Variants in VGLL4 observed in about 807,000 individuals in gnomAD.
VGLL4 encodes the protein transcription cofactor vestigial-like protein 4.
A neutral mutation model predicts 21.0 loss-of-function variants in VGLL4; 7 were observed. The ratio of observed to expected loss-of-function variants is 0.33; its 90% CI spans 0.19 to 0.63. VGLL4 has a LOEUF of 0.63. Ranked by LOEUF, VGLL4 falls within the 20% of genes least tolerant of loss-of-function variation. The probability of loss-of-function intolerance (pLI) is 0.78; values close to 1 mark genes in which losing one functional copy is unlikely to be tolerated. For missense variants in VGLL4, 394 were observed against 425.7 expected, an observed-to-expected ratio of 0.93 and a Z score of 0.66; for synonymous variants, 222 against 173.2, an observed-to-expected ratio of 1.28 and a Z score of -2.21.
At chr3:11,667,947 G>A (rs746224435) in intron 2 of VGLL4, among the ~76,000 whole-genome samples, 4 of 145,126 alleles carry the variant, frequency 2.8e-5, no homozygotes, top group Non-Finnish European at 4.5e-5. Flanking sequence ...TCCGCCTCCC[G>A]GGTTCAAGCA....
intron 2 of VGLL4, among the ~76,000 whole-genome samples, chr3:11,662,149 A>G (rs1483236977): frequency 6.6e-6 from 1 of 152,210 alleles, no homozygotes; most frequent in Admixed American, 6.5e-5. Context: ...GGTGGAAGTC[A>G]GCCCAAAGAC....
At chr3:11,707,544 T>TA (rs536008674) in intron 1 of VGLL4, among the ~76,000 whole-genome samples, 3,439 of 140,422 alleles carry the variant, frequency 0.024, 89 homozygotes, top group African/African-American at 0.064. Flanking sequence ...TAACAGTTAT[T>TA]AAAAAAAAAA....
rs1357949293 is a variant in VGLL4, at chr3:11,690,551, TAG to T, written c.64+12418_64+12419del. The stretch of plus-strand genomic sequence containing the variant: ...GCTTGCTAGTGAACAGAACAGACTT[TAG>T]GCCTCTTGAATTCATTTTAAAAGTA... On this transcript the variant is annotated intron_variant, in intron 2 of 5. Transcript: ENST00000273038. 3.3e-5 allele frequency among the ~76,000 whole-genome samples: 5 copies of T among 152,248 alleles called. No homozygotes were observed. In the East Asian group the frequency reaches 9.7e-4, roughly 29 times the overall value.
chr3:11,647,548 A>T (rs1417058587), upstream of VGLL4, among the ~76,000 whole-genome samples: 1 of 152,130 alleles, frequency 6.6e-6, no homozygotes, highest in East Asian at 1.9e-4. Context: ...CTAATTTTAA[A>T]GTCTGAAATC....
rs754204335 is a variant in VGLL4 at position 11,601,888 on chromosome 3, GGTCCTC to G, written c.211_216del (p.Glu71_Asp72del). ...GAGACGTGGTCGTTGTCACAGTCTA[GGTCCTC>G]GTCACCTGGCTCCATGCTGAACTTC... On this transcript the variant is annotated inframe_deletion, in exon 2 of 5. Transcript: ENST00000430365. The G allele has an allele frequency of 1.2e-6, 2 of 1,613,886 alleles. No homozygotes were observed. The highest frequency in any genetic ancestry group is 2.2e-5 in the South Asian group (2 of 91,048).
chr3:11,587,969 T>C (rs1361679294), intron 2 of VGLL4, among the ~76,000 whole-genome samples: 1 of 152,196 alleles, frequency 6.6e-6, no homozygotes, highest in Non-Finnish European at 1.5e-5. Context: ...CGTTTTCTGT[T>C]TTCAAGAGCT....
intron 3 of VGLL4, among the ~76,000 whole-genome samples, chr3:11,563,002 T>C (rs1575362454): frequency 6.6e-6 from 1 of 151,086 alleles, no homozygotes; most frequent in Non-Finnish European, 1.5e-5. Flanking sequence ...GTAAAGAGAG[T>C]CAGGCCACTC....
chr3:11,602,874 G>C (rs2074841443), intron 1 of VGLL4, among the ~76,000 whole-genome samples: 2 of 151,860 alleles, frequency 1.3e-5, no homozygotes, highest in South Asian at 4.1e-4. Context: ...TTATAAAGAC[G>C]AATGATTACT....
At chr3:11,663,927 C>T (rs1298630040) in intron 2 of VGLL4, among the ~76,000 whole-genome samples, 2 of 152,256 alleles carry the variant, frequency 1.3e-5, no homozygotes, top group East Asian at 1.9e-4. Flanking sequence ...AACACAATTA[C>T]TGTTGCACCA....
chr3:11,618,889 C>T (rs2075213418), intron 1 of VGLL4, among the ~76,000 whole-genome samples: 1 of 152,158 alleles, frequency 6.6e-6, no homozygotes, highest in African/African-American at 2.4e-5. Context: ...CTATTTCTTT[C>T]TATCCTCCCA....
chr3:11,620,855 C>T (rs2075254319), intron 1 of VGLL4, among the ~76,000 whole-genome samples: 1 of 152,164 alleles, frequency 6.6e-6, no homozygotes, highest in African/African-American at 2.4e-5. Flanking sequence ...CGTAGGATGT[C>T]AGTTTGCTTC....
intron 1 of VGLL4, among the ~76,000 whole-genome samples, chr3:11,709,435 T>TCA (rs1228813940): frequency 7.4e-5 from 8 of 108,836 alleles, no homozygotes; most frequent in African/African-American, 2.7e-4. Context: ...AGACTCCGTC[T>TCA]AAAAAAAAAA....
chr3:11,696,854 T>A (rs565625817), intron 2 of VGLL4, among the ~76,000 whole-genome samples: 3 of 152,186 alleles, frequency 2.0e-5, no homozygotes, highest in Non-Finnish European at 4.4e-5. Flanking sequence ...TCCTCCCACC[T>A]CTGCCTCCCG....
chr3:11,717,338 A>C (rs558462877), intron 1 of VGLL4, among the ~76,000 whole-genome samples: 1 of 151,986 alleles, frequency 6.6e-6, no homozygotes, highest in Non-Finnish European at 1.5e-5. Context: ...TATTTTACTA[A>C]GGCAAATTAA....
At chr3:11,572,461 C>G (rs774117243) in intron 2 of VGLL4, among the ~76,000 whole-genome samples, 1 of 152,224 alleles carries the variant, frequency 6.6e-6, no homozygotes, top group Non-Finnish European at 1.5e-5. Context: ...CGGGCCTTTT[C>G]TTTCCTCTGG....
At chr3:11,643,989 G>T, upstream of VGLL4, 1 of 990,304 alleles carries the variant, frequency 1.0e-6, no homozygotes, top group Non-Finnish European at 1.2e-6. Context: ...CCGCGCTGCC[G>T]AGGCAGGGAG....
intron 2 of VGLL4, among the ~76,000 whole-genome samples, chr3:11,668,434 G>A (rs2076158166): frequency 6.6e-6 from 1 of 152,126 alleles, no homozygotes; most frequent in Non-Finnish European, 1.5e-5. Context: ...CAGCATCAGT[G>A]GCAGCTGGGA....
At position 11,717,490 on chromosome 3, in the gene VGLL4, A is replaced by ATTTTTTTTT. The variant is rs60921966; in HGVS notation, c.-14+2895_-14+2903dup. On this transcript the variant is annotated intron_variant, in intron 1 of 5. Transcript: ENST00000273038. ...AGTTAAGAGGAATTTCCCACTACAG[A>ATTTTTTTTT]TTTTTTTTTTTTTTTTTTTTTTTTG... Among the ~76,000 whole-genome samples, 222 of 72,938 alleles carry ATTTTTTTTT rather than the reference A, an allele frequency of 3.0e-3. 23 individuals are homozygous for ATTTTTTTTT. Among genetic ancestry groups the ATTTTTTTTT allele is most frequent in the African/African-American group, 0.012 (188 of 15,376 alleles). The allele number at this position is 72,938 out of a possible 152,430, so 47.9% of individuals were successfully genotyped here. A position where few individuals can be genotyped will look rare whatever the true frequency, so the allele number is the denominator to read the frequency against.
intron 2 of VGLL4, 90 bp downstream of exon 2, chr3:11,601,743 T>A (rs973069279): frequency 2.9e-6 from 4 of 1,390,972 alleles, no homozygotes; most frequent in Non-Finnish European, 4.0e-6. Flanking sequence ...AGTATGCAAA[T>A]GATAACATCA....
Sources: gnomAD v4.1 joint callset for allele counts (sites outside exome capture counted in the v4.1 genomes callset) on GRCh38, gnomAD v4.1.1 for gene constraint, MANE v1.5 for transcripts, NCBI Gene and HGNC (gene_info 2026-07-23, HGNC 2026-07-21) for gene names.